Variants in FREM3 observed in about 807,000 individuals in gnomAD.
FREM3 encodes the protein FRAS1-related extracellular matrix protein 3.
FREM3 carries 105 observed loss-of-function variants against 129.1 expected under a neutral mutation model. That is an observed-to-expected ratio of 0.81 (90% CI 0.69 to 0.96). The LOEUF (loss-of-function observed/expected upper bound fraction) is 0.96, where lower values mean the gene tolerates loss of function less well. FREM3 is among the 40% of genes least tolerant of loss of function. The pLI, the probability that FREM3 is intolerant of heterozygous loss-of-function variation, is 0.00. For synonymous variants in FREM3, 1,014 were observed against 1,044.9 expected (o/e 0.97, Z 0.57); for missense variants, 2,593 against 2,666.3 (o/e 0.97, Z 0.61).
intron 2 of FREM3, among the ~76,000 whole-genome samples, chr4:143,687,182 C>A (rs1740385484): frequency 6.6e-6 from 1 of 152,080 alleles, no homozygotes; most frequent in Admixed American, 6.5e-5. Flanking sequence ...ACTGACAACA[C>A]TGAAATACAA....
chr4:143,594,792 C>A (rs557434500), intron 6 of FREM3, among the ~76,000 whole-genome samples: 1 of 152,274 alleles, frequency 6.6e-6, no homozygotes, highest in East Asian at 1.9e-4. Context: ...AGGTATTGAG[C>A]ATCAGGAGAT....
Position 143,695,727 on chromosome 4 carries a change from A to G in FREM3, c.4949T>C (p.Val1650Ala), listed in dbSNP as rs1740553358. The change falls in exon 1 of 8, where the codon GTC (valine) becomes GCC (alanine). Residue 1650 changes from valine (V) to alanine (A), a missense_variant. This residue lies in a region of FREM3 where 2,276 missense variants were observed against 2,267.2 expected (regional missense o/e 1.00). Coordinates refer to ENST00000329798, the MANE Select transcript of FREM3 (RefSeq NM_001168235.2). Reference protein sequence around the residue: ...LATHKPQVMRVQIRSLDNRLP... With the variant: ...LATHKPQVMRAQIRSLDNRLP... ...CCTATTGTCTAATGATCTTATCTGG[A>G]CCCTCATTACTTGAGGTTTGTGTGT... The G allele has an allele frequency of 7.8e-6, 12 of 1,537,072 alleles. No homozygotes were observed. The highest frequency in any genetic ancestry group is 2.4e-5 in the East Asian group (1 of 40,902).
Position 143,697,335 on chromosome 4 carries a change from G to C in FREM3, c.3341C>G (p.Ala1114Gly). 2.0e-6 allele frequency: 3 copies of C among 1,537,120 alleles called. No homozygotes were observed. In the South Asian group the frequency reaches 3.6e-5, roughly 18 times the overall value. Residue 1114 changes from alanine to glycine, a missense_variant, in exon 1 of 8, where the codon GCC (alanine) becomes GGC (glycine). Transcript: ENST00000329798. ...ELLCTVTSQPASGYLEKIASA... is the reference protein window; with the variant it reads ...ELLCTVTSQPGSGYLEKIASA... ...TGCAATCTTTTCCAGGTAGCCAGAG[G>C]CTGGCTGACTAGTCACTGTGCAGAG...
chr4:143,600,184 A>T lies in FREM3; in HGVS notation c.6028+11095T>A, dbSNP rs1227761395. ...GGAACAAAATAATGGCATTTGCAGCAACCTGGATGGAATTGCAGACCATTA... is the reference window on the plus strand; with the variant it reads ...GGAACAAAATAATGGCATTTGCAGCTACCTGGATGGAATTGCAGACCATTA... On this transcript the variant is annotated intron_variant, in intron 6 of 7. Transcript: ENST00000329798. Among the ~76,000 whole-genome samples, 3 of 151,942 alleles carry T rather than the reference A, an allele frequency of 2.0e-5. No individual in the cohort carries two copies. In the East Asian group the frequency reaches 5.8e-4, roughly 29 times the overall value.
At chr4:143,582,155 C>T (rs529931767) in intron 7 of FREM3, among the ~76,000 whole-genome samples, 6 of 152,298 alleles carry the variant, frequency 3.9e-5, no homozygotes, top group African/African-American at 9.6e-5. Context: ...TCTCTGTCCT[C>T]GTCACCCCCA....
At chr4:143,619,025 T>C (rs766122766) in intron 5 of FREM3, among the ~76,000 whole-genome samples, 15 of 152,192 alleles carry the variant, frequency 9.9e-5, no homozygotes, top group Admixed American at 3.3e-4. Flanking sequence ...GTGGGGACTA[T>C]AATAACATTG....
intron 5 of FREM3, among the ~76,000 whole-genome samples, chr4:143,613,182 G>T (rs1294029765): frequency 6.6e-6 from 1 of 152,170 alleles, no homozygotes; most frequent in Non-Finnish European, 1.5e-5. Flanking sequence ...GTAACAAATT[G>T]ACTGTTTCGT....
intron 2 of FREM3, among the ~76,000 whole-genome samples, chr4:143,667,623 C>G (rs900239356): frequency 1.3e-5 from 2 of 152,200 alleles, no homozygotes; most frequent in Non-Finnish European, 2.9e-5. Context: ...ATGCCATTTT[C>G]AATCCATCAT....
rs1738235768 is a variant in FREM3 at position 143,585,930 on chromosome 4, A to G, written c.6092T>C (p.Val2031Ala). 5.2e-6 allele frequency: 8 copies of G among 1,537,352 alleles called. No homozygotes were observed. In the East Asian group the frequency reaches 2.0e-4, roughly 38 times the overall value. The stretch of plus-strand genomic sequence containing the variant: ...ATCAGTGCCTCTTCTCCAAACACAA[A>G]CCTCCACGTAGCGAGCACTTTCATT... Reference protein sequence around the residue: ...HVNESARYVEVCVWRRGTDLS... With the variant: ...HVNESARYVEACVWRRGTDLS... Residue 2031 changes from valine to alanine, a missense_variant, in exon 7 of 8, where the codon GTT (valine) becomes GCT (alanine). By Grantham distance (64) the Val-to-Ala change is moderately conservative. This residue lies in a region of FREM3 where 317 missense variants were observed against 399.0 expected (regional missense o/e 0.79). Coordinates refer to ENST00000329798, the MANE Select transcript of FREM3 (RefSeq NM_001168235.2). This position sits in a 1 kb window ranked among gnomAD's most constrained non-coding sequence, Gnocchi z 4.2.
intron 2 of FREM3, among the ~76,000 whole-genome samples, chr4:143,629,482 A>C (rs1472755876): frequency 6.6e-6 from 1 of 152,184 alleles, no homozygotes; most frequent in Non-Finnish European, 1.5e-5. Flanking sequence ...CTCTTTAAAA[A>C]ATAACATTAT....
Position 143,585,413 on chromosome 4 carries a change from A to T in FREM3, c.6178+431T>A, listed in dbSNP as rs1198722369. Among the ~76,000 whole-genome samples, 1 of 152,186 alleles carries T rather than the reference A, an allele frequency of 6.6e-6. No homozygotes were observed. Among genetic ancestry groups the T allele is most frequent in the Non-Finnish European group, 1.5e-5 (1 of 68,036 alleles). On this transcript the variant is annotated intron_variant, in intron 7 of 7. Coordinates refer to ENST00000329798, the MANE Select transcript of FREM3 (RefSeq NM_001168235.2). The surrounding 1 kb of genome is among the most constrained non-coding windows in gnomAD (Gnocchi z 4.2). ...ATGCAAAGGTGAGCAGGGCATGAAGACATGCTGTTTGAAGCTAAGGCAAAT... is the reference window on the plus strand; with the variant it reads ...ATGCAAAGGTGAGCAGGGCATGAAGTCATGCTGTTTGAAGCTAAGGCAAAT...
chr4:143,660,095 C>T (rs1444305438), intron 2 of FREM3, among the ~76,000 whole-genome samples: 1 of 149,822 alleles, frequency 6.7e-6, no homozygotes, highest in East Asian at 2.0e-4. Context: ...AATTAGATCC[C>T]ATTTGTCAAT....
chr4:143,622,725 A>C (rs1447671137), intron 4 of FREM3, among the ~76,000 whole-genome samples: 1 of 152,222 alleles, frequency 6.6e-6, no homozygotes, highest in Non-Finnish European at 1.5e-5. Flanking sequence ...AAATTGATAC[A>C]ATAGGACTAA....
At chr4:143,665,177 G>C (rs1425703347) in intron 2 of FREM3, among the ~76,000 whole-genome samples, 1 of 152,104 alleles carries the variant, frequency 6.6e-6, no homozygotes. Context: ...CCCGTCTTCT[G>C]CGTTGCTCAC....
chr4:143,681,528 C>A (rs2149859333), intron 2 of FREM3, among the ~76,000 whole-genome samples: 1 of 152,108 alleles, frequency 6.6e-6, no homozygotes, highest in South Asian at 2.1e-4. Context: ...TTCATAGTAA[C>A]CTTGAATATA....
chr4:143,595,631 T>C (rs908593608), intron 6 of FREM3, among the ~76,000 whole-genome samples: 3 of 152,208 alleles, frequency 2.0e-5, no homozygotes, highest in Non-Finnish European at 4.4e-5. Context: ...CTCTTGCCTG[T>C]AATCCCAGCA....
intron 1 of FREM3, among the ~76,000 whole-genome samples, chr4:143,693,410 C>T (rs1473764920): frequency 6.6e-6 from 1 of 152,044 alleles, no homozygotes; most frequent in Non-Finnish European, 1.5e-5. Flanking sequence ...ACCATCTCAC[C>T]CCAGTCAGAC....
Position 143,699,252 on chromosome 4 carries a change from C to T in FREM3, c.1424G>A (p.Gly475Asp). The T allele has an allele frequency of 1.3e-6, 2 of 1,537,304 alleles. No individual in the cohort carries two copies. The highest frequency in any genetic ancestry group is 1.7e-4 in the Middle Eastern group (1 of 5,990). The change falls in exon 1 of 8, where the codon GGC becomes GAC. Residue 475 changes from glycine (G) to aspartate (D), a missense_variant. Around this residue, in one of 2 missense-constraint regions of FREM3, gnomAD observed 2,276 missense variants for 2,267.2 expected, o/e 1.00. Transcript: ENST00000329798. This position sits in a 1 kb window ranked among gnomAD's most constrained non-coding sequence, Gnocchi z 4.2. ...CACCACCAGCTGCCCATGTCTCAAG[C>T]CCCTGACTGCAGCCATTTTCACCTC... ...LEEVKMAAVR[G>D]LRHGQLVVFG... is the part of the protein sequence containing the mutation.
At chr4:143,624,552 G>A (rs1319463959) in intron 3 of FREM3, among the ~76,000 whole-genome samples, 1 of 152,172 alleles carries the variant, frequency 6.6e-6, no homozygotes, top group East Asian at 1.9e-4. Flanking sequence ...AAGGGGGATT[G>A]ACAGAAAGAA....
Sources: gnomAD v4.1 joint callset for allele counts (sites outside exome capture counted in the v4.1 genomes callset) on GRCh38, gnomAD v4.1.1 for gene constraint, gnomAD v4.1.1 regional missense constraint, Gnocchi (gnomAD v3.1) non-coding constraint, MANE v1.5 for transcripts, NCBI Gene and HGNC (gene_info 2026-07-23, HGNC 2026-07-21) for gene names.